Variants in RNF213 observed in about 807,000 individuals in gnomAD.
RNF213 encodes ring finger protein 213.
In RNF213, 341 loss-of-function variants were observed where a neutral mutation model predicts 514.4. The ratio of observed to expected loss-of-function variants is 0.66; its 90% CI spans 0.61 to 0.73. The LOEUF is 0.73. Among genes scored for constraint, RNF213 ranks in the 30% least tolerant of loss-of-function variants. The pLI is 0.00. For missense variants in RNF213, 5,767 were observed against 6,615.6 expected (o/e 0.87, Z 4.45); for synonymous variants, 2,655 against 2,658.2 (o/e 1.00, Z 0.04).
rs373399122 is a variant in RNF213 at position 80,343,238 on chromosome 17, G to A, written c.6096G>A (p.Glu2032=). ...GACTGATCGACCCTCAGGTGGATGA[G>A]AGCCGAGTCCTGGGCGCCCTGCTGC... ...TIRLIDPQVD[E]SRVLGALLPF... The change falls in exon 27 of 68, where the codon GAG becomes GAA. Residue 2032 remains glutamate (E), a synonymous_variant. Transcript: ENST00000582970. The surrounding 1 kb of genome is among the most constrained non-coding windows in gnomAD (Gnocchi z 4.3). 1 of 1,613,904 alleles carries A rather than the reference G, an allele frequency of 6.2e-7. No individual in the cohort carries two copies. The highest frequency in any genetic ancestry group is 8.5e-7 in the Non-Finnish European group (1 of 1,179,944).
chr17:80,385,693 G>A, intron 61 of RNF213, 72 bp downstream of exon 61: 1 of 1,317,096 alleles, frequency 7.6e-7, no homozygotes, highest in South Asian at 1.2e-5. Context: ...TCGTCAGCCT[G>A]ACTCGGCCCA....
chr17:80,269,364 A>G (rs952462046), intron 2 of RNF213, among the ~76,000 whole-genome samples: 3 of 151,390 alleles, frequency 2.0e-5, no homozygotes, highest in Non-Finnish European at 2.9e-5. Context: ...CTATCTGTCC[A>G]CCTACCCTAT....
intron 5 of RNF213, 67 bp from the exon 6 acceptor site, chr17:80,289,592 G>GAA (rs747519394): frequency 0.14 from 174,510 of 1,259,834 alleles, 4,505 homozygotes; most frequent in African/African-American, 0.32. Context: ...CTCTGTCTCA[G>GAA]AAAAAAAAAA....
At chr17:80,392,227 A>C (rs2080504082) in intron 67 of RNF213, among the ~76,000 whole-genome samples, 1 of 152,212 alleles carries the variant, frequency 6.6e-6, no homozygotes. Context: ...CCATTATGCT[A>C]TGTGGCATAT....
In RNF213 at chr17:80,382,013, G is replaced by A. The variant is rs1006021140; in HGVS notation, c.13978+286G>A. 1.7e-4 allele frequency: 77 copies of A among 441,172 alleles called. 1 individual carries two copies. The highest frequency in any genetic ancestry group is 1.2e-4 in the African/African-American group (6 of 50,054). The allele number at this position is 441,172 out of a possible 1,614,324, so 27.3% of individuals were successfully genotyped here. A position where few individuals can be genotyped will look rare whatever the true frequency, so the allele number is the denominator to read the frequency against. ...CTGCGGTATTCGGGAGCGTCTGCAC[G>A]CAAGTGTTCAGTGTGCATATATGGG... On this transcript the variant is annotated intron_variant, in intron 57 of 67. Transcript: ENST00000582970.
chr17:80,332,166 G>T lies in RNF213; in HGVS notation c.3678G>T (p.Leu1226Phe). ...QVQEMAGKIDLLRDSHIFQLF... is the reference protein window; with the variant it reads ...QVQEMAGKIDFLRDSHIFQLF... The stretch of plus-strand genomic sequence containing the variant: ...AAGAAATGGCTGGGAAGATAGACTT[G>T]CTCAGAGACAGCCACATCTTCCAGC... Residue 1226 changes from leucine (L) to phenylalanine (F), a missense_variant, in exon 21 of 68, where the codon TTG becomes TTT. Leu to Phe is a conservative substitution (Grantham distance 22). This residue lies in a region of RNF213 where 516 missense variants were observed against 566.5 expected (regional missense o/e 0.91). Coordinates refer to ENST00000582970, the MANE Select transcript of RNF213 (RefSeq NM_001256071.3). The T allele has an allele frequency of 1.3e-6, 2 of 1,537,158 alleles. No homozygotes were observed. The highest frequency in any genetic ancestry group is 1.7e-6 in the Non-Finnish European group (2 of 1,146,914).
Position 80,339,986 on chromosome 17 carries a change from G to A in RNF213, c.5619G>A (p.Glu1873=), listed in dbSNP as rs1251150456. The change falls in exon 26 of 68, where the codon GAG becomes GAA. Residue 1873 remains glutamate, a synonymous_variant. Transcript: ENST00000582970. ...LLCTPATTFE[E]VALLLRRCLT... The stretch of plus-strand genomic sequence containing the variant: ...GCACCCCGGCAACCACCTTTGAGGA[G>A]GTGGCACTGTTGCTGCGCCGCTGCC... The A allele has an allele frequency of 6.5e-7, 1 of 1,537,740 alleles. No individual in the cohort carries two copies. Among genetic ancestry groups the A allele is most frequent in the South Asian group, 1.2e-5 (1 of 84,116 alleles).
chr17:80,357,023 G>A (rs986204510), intron 36 of RNF213, among the ~76,000 whole-genome samples: 2 of 151,356 alleles, frequency 1.3e-5, no homozygotes, highest in Admixed American at 6.6e-5. Flanking sequence ...GGGTTCAAGC[G>A]ATTCTCCTGC....
Position 80,291,642 on chromosome 17 carries a change from A to T in RNF213, c.1286A>T (p.Asp429Val). ...TTCATTCACAGAGACTTGGGTCATG[A>T]CCGCGTTCTTGTTGAAGGCATTGTC... ...ELHYTRDLGH[D>V]RVLVEGIVCI... Residue 429 changes from aspartate to valine, a missense_variant, in exon 8 of 68, where the codon GAC becomes GTC. Coordinates refer to ENST00000582970, the MANE Select transcript of RNF213 (RefSeq NM_001256071.3). 6.2e-7 allele frequency: 1 copy of T among 1,614,236 alleles called. No individual in the cohort carries two copies. Among genetic ancestry groups the T allele is most frequent in the Non-Finnish European group, 8.5e-7 (1 of 1,180,044 alleles).
rs2078115539 is a variant in RNF213 at position 80,340,343 on chromosome 17, G to A, written c.5976G>A (p.Glu1992=). ...TGTGTGTTGGGATCGTGGCCTCGGA[G>A]CGAGCAGGTGTTGGTAAGGAGAGCG... ...DRLCVGIVAS[E]RAGVGKSLYV... is the part of the protein sequence containing the mutation. The change falls in exon 26 of 68, where the codon GAG becomes GAA. Residue 1992 remains glutamate (E), a synonymous_variant. Coordinates refer to ENST00000582970, the MANE Select transcript of RNF213 (RefSeq NM_001256071.3). 2 of 1,612,238 alleles carry A rather than the reference G, an allele frequency of 1.2e-6. No homozygotes were observed. The highest frequency in any genetic ancestry group is 1.7e-6 in the Non-Finnish European group (2 of 1,179,862).
At position 80,375,868 on chromosome 17, in the gene RNF213, G is replaced by C. The variant is rs1568155601; in HGVS notation, c.13183G>C (p.Glu4395Gln). Residue 4395 changes from glutamate (E) to glutamine (Q), a missense_variant and splice_region_variant, in exon 51 of 68, where the codon GAG (glutamate) becomes CAG (glutamine). Physicochemically the swap from Glu to Gln is conservative, Grantham distance 29. This residue lies in a region of RNF213 where 1,245 missense variants were observed against 1,339.0 expected (regional missense o/e 0.93). Transcript: ENST00000582970. ...SHNASLHPTP[E>Q]QCEAVSKFIG... ...CAATGCAAGCCTCCACCCCACGCCA[G>C]AGGTGAGTAACCGCCTGCAGGGCTG... 2.5e-6 allele frequency: 4 copies of C among 1,601,750 alleles called. No individual in the cohort carries two copies. Among genetic ancestry groups the C allele is most frequent in the Non-Finnish European group, 2.6e-6 (3 of 1,168,692 alleles).
In RNF213 at chr17:80,339,450, C is replaced by T. The variant is rs1186265454; in HGVS notation, c.5083C>T (p.Arg1695Ter). 1.4e-5 allele frequency: 21 copies of T among 1,537,202 alleles called. No individual in the cohort carries two copies. Among genetic ancestry groups the T allele is most frequent in the South Asian group, 2.4e-5 (2 of 84,058 alleles). Residue 1695 changes from arginine (R) to a stop codon, truncating the protein, a stop_gained, in exon 26 of 68, where the codon CGA (arginine) becomes TGA (stop). Coordinates refer to ENST00000582970, the MANE Select transcript of RNF213 (RefSeq NM_001256071.3). LOFTEE classifies it high-confidence loss of function. The stretch of plus-strand genomic sequence containing the variant: ...CTGGAAGAGATTTGTGACCCAGAAG[C>T]GAATGGAGCACTTTTACCTGAACTT... ...DSWKRFVTQKRMEHFYLNFYT... is the reference protein window; with the variant it reads ...DSWKRFVTQK
At position 80,287,956 on chromosome 17, in the gene RNF213, C is replaced by T. The variant is rs1396389192; in HGVS notation, c.403C>T (p.His135Tyr). The part of the protein sequence containing the change: ...NPWPQDTALP[H>Y]SQAQQSGPTG... ...GTGGCCTCAGGACACAGCCCTGCCC[C>T]ACAGCCAAGCCCAGCAGAGTGGCCC... The change falls in exon 4 of 68, where the codon CAC (histidine) becomes TAC (tyrosine). Residue 135 changes from histidine to tyrosine, a missense_variant. Physicochemically the swap from His to Tyr is moderately conservative, Grantham distance 83. This residue lies in a region of RNF213 where 509 missense variants were observed against 496.7 expected (regional missense o/e 1.02). Transcript: ENST00000582970. 6.4e-7 allele frequency: 1 copy of T among 1,571,544 alleles called. No individual in the cohort carries two copies. Among genetic ancestry groups the T allele is most frequent in the South Asian group, 1.2e-5 (1 of 86,756 alleles).
At chr17:80,262,680 A>G (rs1417159539) in intron 1 of RNF213, among the ~76,000 whole-genome samples, 1 of 152,210 alleles carries the variant, frequency 6.6e-6, no homozygotes, top group East Asian at 1.9e-4. Context: ...CTGAATAGCC[A>G]TCTCAAAATT....
intron 50 of RNF213, 144 bp downstream of exon 50, chr17:80,374,733 C>T: frequency 1.0e-6 from 1 of 990,730 alleles, no homozygotes; most frequent in Non-Finnish European, 1.5e-6. Flanking sequence ...CACGTGCCCA[C>T]AGCCTCCAGG....
chr17:80,353,537 C>T lies in RNF213; in HGVS notation c.10449C>T (p.Asp3483=), dbSNP rs531071274. 2.7e-5 allele frequency: 44 copies of T among 1,612,626 alleles called. No individual in the cohort carries two copies. Among genetic ancestry groups the T allele is most frequent in the Admixed American group, 1.7e-4 (10 of 59,666 alleles). Residue 3483 remains aspartate (D), a synonymous_variant, in exon 34 of 68, where the codon GAC becomes GAT. Coordinates refer to ENST00000582970, the MANE Select transcript of RNF213 (RefSeq NM_001256071.3). This position sits in a 1 kb window ranked among gnomAD's most constrained non-coding sequence, Gnocchi z 5.0. ...PELGLEHRAE[D]GHEEAMETEA... ...TGGGCTTGGAACACCGGGCGGAAGA[C>T]GGCCATGAGGAGGCGATGGAGACGG...
At chr17:80,328,708 A>C (rs1467679244) in intron 20 of RNF213, among the ~76,000 whole-genome samples, 2 of 152,178 alleles carry the variant, frequency 1.3e-5, no homozygotes, top group African/African-American at 4.8e-5. Context: ...ATTTTTCCGG[A>C]GTCAGCATGA....
chr17:80,306,204 A>G lies in RNF213; in HGVS notation c.2211-48A>G, dbSNP rs754286071. 2.6e-6 allele frequency: 4 copies of G among 1,562,814 alleles called. No homozygotes were observed. The East Asian group carries it at 8.9e-5, about 35-fold the overall frequency. Reference sequence around the variant, plus strand: ...GCATTGGTTTCCTCCATTTTCCCTCACTGATCTCACTGCGTCTCTTTTCTC... The same window carrying G: ...GCATTGGTTTCCTCCATTTTCCCTCGCTGATCTCACTGCGTCTCTTTTCTC... On this transcript the variant is annotated intron_variant, in intron 11 of 67. Coordinates refer to ENST00000582970, the MANE Select transcript of RNF213 (RefSeq NM_001256071.3).
chr17:80,372,026 A>C (rs538158296), intron 47 of RNF213, 41 bp downstream of exon 47: 13 of 1,026,654 alleles, frequency 1.3e-5, no homozygotes, highest in Non-Finnish European at 1.9e-5. Flanking sequence ...TTTGGAAACT[A>C]TCTGAACCAC....
Sources: gnomAD v4.1 joint callset for allele counts (sites outside exome capture counted in the v4.1 genomes callset) on GRCh38, gnomAD v4.1.1 for gene constraint, gnomAD v4.1.1 regional missense constraint, Gnocchi (gnomAD v3.1) non-coding constraint, MANE v1.5 for transcripts, NCBI Gene and HGNC (gene_info 2026-07-23, HGNC 2026-07-21) for gene names.